USP20: variants seen among roughly 807,000 people sequenced by gnomAD.
The protein encoded by USP20 is ubiquitin specific peptidase 20.
Under a neutral mutation model 124.2 loss-of-function variants are expected in USP20, and 80 were observed. The observed-to-expected ratio is 0.64, with a 90% confidence interval of 0.54 to 0.78. The LOEUF (loss-of-function observed/expected upper bound fraction) is 0.78. USP20 is among the 30% of genes least tolerant of loss of function. The pLI is 0.00. For missense variants in USP20, 1,043 were observed against 1,244.4 expected (o/e 0.84, Z 2.44); for synonymous variants, 481 against 512.3 (o/e 0.94, Z 0.83).
At chr9:129,876,455 A>G (rs2034413100) in intron 22 of USP20, among the ~76,000 whole-genome samples, 2 of 152,114 alleles carry the variant, frequency 1.3e-5, no homozygotes, top group Non-Finnish European at 2.9e-5. Context: ...CCTGGCCAAC[A>G]TGGCAAAACC....
In USP20 at chr9:129,881,207, G is replaced by GA. The variant is rs1369592451; in HGVS notation, c.*760dup. 1 of 152,290 alleles carries GA rather than the reference G, an allele frequency of 6.6e-6. No homozygotes were observed. The highest frequency in any genetic ancestry group is 1.9e-4 in the East Asian group (1 of 5,206). The allele number at this position is 152,290 out of a possible 1,614,324, so 9.4% of individuals were successfully genotyped here. A position where few individuals can be genotyped will look rare whatever the true frequency, so the allele number is the denominator to read the frequency against. ...AGCCCCCACCAGGGAACCGGATGAT[G>GA]AAACAGGGATACCTCACAGCTTGGC... On this transcript the variant is annotated 3_prime_UTR_variant, in exon 26 of 26. Coordinates refer to ENST00000372429, the MANE Select transcript of USP20 (RefSeq NM_001110303.4).
rs933990596 is a variant in USP20, at chr9:129,869,089, G to A, written c.1276+87G>A. The A allele has an allele frequency of 2.1e-5, 31 of 1,482,968 alleles. No homozygotes were observed. In the Admixed American group the frequency reaches 2.1e-4, roughly 10 times the overall value. 91.9% of individuals were successfully genotyped at this position (1,482,968 alleles called of 1,614,324 possible). On this transcript the variant is annotated intron_variant, in intron 12 of 25. Transcript: ENST00000372429. ...TGCCTTTCTCATGGCCCCCTGTGGC[G>A]GAGGGCCGGGCTATGGGCTCCTCTC...
intron 17 of USP20, among the ~76,000 whole-genome samples, chr9:129,874,091 G>T (rs367940790): frequency 5.3e-5 from 8 of 152,298 alleles, no homozygotes; most frequent in African/African-American, 7.2e-5. Flanking sequence ...GGTCCAGCTG[G>T]GGCTGTTGCC....
At chr9:129,871,675 CAT>C (rs1023044772) in intron 15 of USP20, among the ~76,000 whole-genome samples, 5 of 152,236 alleles carry the variant, frequency 3.3e-5, no homozygotes, top group Admixed American at 3.3e-4. Flanking sequence ...GAGTCAACCT[CAT>C]GGGTATGAGG....
At chr9:129,876,007 T>C in intron 21 of USP20, 123 bp from the exon 22 acceptor site, 2 of 848,614 alleles carry the variant, frequency 2.4e-6, no homozygotes, top group Non-Finnish European at 3.7e-6. Context: ...CAGAGGTGCA[T>C]GCAGGCCTGC....
chr9:129,859,344 T>G (rs10117996), intron 6 of USP20, among the ~76,000 whole-genome samples: 125,524 of 143,488 alleles, frequency 0.87, 55,385 homozygotes, highest in East Asian at 1. Flanking sequence ...TGCAATCTCA[T>G]CTCACTACAA....
chr9:129,873,080 CTTTTTTTT>C (rs59712662), intron 15 of USP20, among the ~76,000 whole-genome samples: 3 of 78,366 alleles, frequency 3.8e-5, no homozygotes, highest in East Asian at 4.5e-4. Context: ...TTTTCTTCTT[CTTTTTTTT>C]TTTTTTTTTT....
intron 1 of USP20, among the ~76,000 whole-genome samples, chr9:129,846,788 G>A (rs1041796385): frequency 2.0e-5 from 3 of 150,324 alleles, no homozygotes; most frequent in African/African-American, 7.4e-5. Flanking sequence ...CACCACGCCC[G>A]GCTAATTTTT....
chr9:129,875,765 A>G, intron 21 of USP20, 124 bp downstream of exon 21: 1 of 890,450 alleles, frequency 1.1e-6, no homozygotes, highest in East Asian at 2.6e-5. Context: ...CCACGTGGGC[A>G]GCACAGAGCC....
At chr9:129,869,480 C>A in intron 13 of USP20, 55 bp downstream of exon 13, 1 of 1,580,932 alleles carries the variant, frequency 6.3e-7, no homozygotes. Flanking sequence ...GCCTCAGCAG[C>A]TCTTGCCCTG....
intron 22 of USP20, among the ~76,000 whole-genome samples, chr9:129,877,976 GTGGGAGAATCGCTTGAACC>G (rs2034478365): frequency 6.6e-6 from 1 of 152,076 alleles, no homozygotes; most frequent in Non-Finnish European, 1.5e-5. Flanking sequence ...AGAGGCTGAG[GTGGGAGAATCGCTTGAACC>G]TGGGAGGCAG....
chr9:129,880,197 A>G lies in USP20; in HGVS notation c.2669A>G (p.Gln890Arg). 6.2e-7 allele frequency: 1 copy of G among 1,613,800 alleles called. No homozygotes were observed. Among genetic ancestry groups the G allele is most frequent in the Non-Finnish European group, 8.5e-7 (1 of 1,179,988 alleles). Reference protein sequence around the residue: ...YGGGPEIAIRQSVAQPLGPEN... With the variant: ...YGGGPEIAIRRSVAQPLGPEN... ...GGTGGCCCCGAGATTGCCATCCGCCAGAGTGTGGCGCAGCCGCTGGGCCCA... is the reference window on the plus strand; with the variant it reads ...GGTGGCCCCGAGATTGCCATCCGCCGGAGTGTGGCGCAGCCGCTGGGCCCA... The change falls in exon 25 of 26, where the codon CAG becomes CGG. Residue 890 changes from glutamine (Q) to arginine (R), a missense_variant. By Grantham distance (43) the Gln-to-Arg change is conservative. Transcript: ENST00000372429.
At chr9:129,843,480 A>G (rs987255657) in intron 1 of USP20, among the ~76,000 whole-genome samples, 4 of 152,120 alleles carry the variant, frequency 2.6e-5, no homozygotes, top group Non-Finnish European at 4.4e-5. Flanking sequence ...TCACGCCTGT[A>G]ATCCCAGCAC....
intron 1 of USP20, among the ~76,000 whole-genome samples, chr9:129,840,766 CTT>C (rs34092925): frequency 7.1e-4 from 85 of 120,426 alleles, no homozygotes; most frequent in Admixed American, 2.2e-3. Flanking sequence ...CCTTTAGAAA[CTT>C]TTTTTTTTTT....
chr9:129,852,579 C>T lies in USP20; in HGVS notation c.24C>T (p.Cys8=). Residue 8 remains cysteine (C), a synonymous_variant, in exon 3 of 26, where the codon TGC becomes TGT. Coordinates refer to ENST00000372429, the MANE Select transcript of USP20 (RefSeq NM_001110303.4). ...GGATGGGGGACTCCAGGGACCTTTG[C>T]CCTCACCTTGACTCCATAGGAGAGG... The part of the protein sequence containing the change: MGDSRDL[C]PHLDSIGEVT... 2 of 1,599,308 alleles carry T rather than the reference C, an allele frequency of 1.3e-6. No individual in the cohort carries two copies. Among genetic ancestry groups the T allele is most frequent in the Non-Finnish European group, 1.7e-6 (2 of 1,172,344 alleles).
intron 8 of USP20, among the ~76,000 whole-genome samples, chr9:129,862,101 C>T (rs935880391): frequency 6.7e-6 from 1 of 148,192 alleles, no homozygotes; most frequent in Non-Finnish European, 1.5e-5. Flanking sequence ...GTCTGACGTG[C>T]TTCTCCTACC....
intron 22 of USP20, 105 bp from the exon 23 acceptor site, chr9:129,878,233 A>G: frequency 1.1e-6 from 1 of 892,698 alleles, no homozygotes. Context: ...TTTTTGTAAG[A>G]CTCTTGGGTG....
At chr9:129,874,430 C>T in intron 17 of USP20, 146 bp from the exon 18 acceptor site, 1 of 1,053,096 alleles carries the variant, frequency 9.5e-7, no homozygotes, top group Non-Finnish European at 1.4e-6. Flanking sequence ...AGAGCGAGCC[C>T]AGTCTGGCCC....
intron 15 of USP20, 144 bp downstream of exon 15, chr9:129,870,691 A>G: frequency 1.1e-6 from 1 of 923,148 alleles, no homozygotes; most frequent in South Asian, 1.7e-5. Context: ...ATCCCATCAG[A>G]TACCCACGCC....
Sources: gnomAD v4.1 joint callset for allele counts (sites outside exome capture counted in the v4.1 genomes callset) on GRCh38, gnomAD v4.1.1 for gene constraint, MANE v1.5 for transcripts, NCBI Gene and HGNC (gene_info 2026-07-23, HGNC 2026-07-21) for gene names.